The following PTPRM variants were observed in gnomAD, a reference collection of about 807,000 sequenced individuals.
The protein encoded by PTPRM is receptor-type tyrosine-protein phosphatase mu.
PTPRM carries 47 observed loss-of-function variants against 186.7 expected under a neutral mutation model. That is an observed-to-expected ratio of 0.25 (90% confidence interval 0.20 to 0.32). The LOEUF is 0.32. Among genes scored for constraint, PTPRM ranks in the 10% least tolerant of loss-of-function variants. PTPRM has a pLI of 1.00. For synonymous variants in PTPRM, 668 were observed against 674.9 expected, an observed-to-expected ratio of 0.99 and a Z score of 0.16; for missense variants, 1,494 against 1,865.0, an observed-to-expected ratio of 0.80 and a Z score of 3.66.
At chr18:8,277,067 G>T (rs1435442764) in intron 19 of PTPRM, among the ~76,000 whole-genome samples, 1 of 151,994 alleles carries the variant, frequency 6.6e-6, no homozygotes, top group African/African-American at 2.4e-5. Context: ...CCCCTGAGTA[G>T]CTGGGACTAC....
chr18:8,017,281 G>C (rs2084930143), intron 7 of PTPRM, among the ~76,000 whole-genome samples: 1 of 152,094 alleles, frequency 6.6e-6, no homozygotes, highest in African/African-American at 2.4e-5. Flanking sequence ...GCTCATGCCT[G>C]TAGTCCCAGC....
At chr18:8,264,069 C>G (rs977033293) in intron 19 of PTPRM, among the ~76,000 whole-genome samples, 1 of 152,102 alleles carries the variant, frequency 6.6e-6, no homozygotes, top group African/African-American at 2.4e-5. Context: ...GATCTGACTC[C>G]AGGTAGAAAG....
intron 1 of PTPRM, among the ~76,000 whole-genome samples, chr18:7,639,717 C>T (rs1362446791): frequency 6.6e-6 from 1 of 152,166 alleles, no homozygotes; most frequent in Non-Finnish European, 1.5e-5. Context: ...ATTCATATTC[C>T]ACATGCTGTT....
Position 8,113,606 on chromosome 18 carries a change from C to T in PTPRM, c.1977C>T (p.Tyr659=), listed in dbSNP as rs1342605500. 1 of 1,614,152 alleles carries T rather than the reference C, an allele frequency of 6.2e-7. No individual in the cohort carries two copies. Among genetic ancestry groups the T allele is most frequent in the South Asian group, 1.1e-5 (1 of 91,084 alleles). The part of the protein sequence containing the change: ...FQNASLLNSQ[Y]YFAAEFPADS... ...ATGCTTCTCTGCTGAACTCACAGTA[C>T]TACTTTGCTGCAGAATTTCCTGCAG... is the stretch of plus-strand genomic sequence containing the variant. Residue 659 remains tyrosine, a synonymous_variant, in exon 12 of 33, where the codon TAC becomes TAT. Transcript: ENST00000580170.
chr18:8,120,924 T>C (rs985552489), intron 13 of PTPRM, among the ~76,000 whole-genome samples: 10 of 152,354 alleles, frequency 6.6e-5, no homozygotes, highest in African/African-American at 2.4e-4. Context: ...AACAAAAATG[T>C]TATGTGTATA....
intron 1 of PTPRM, among the ~76,000 whole-genome samples, chr18:7,684,304 T>C (rs920600407): frequency 1.4e-5 from 2 of 146,924 alleles, no homozygotes; most frequent in Admixed American, 6.7e-5. Flanking sequence ...TAAAAAAAAA[T>C]AAATAAATAA....
rs1303174819 is a variant in PTPRM, at chr18:8,130,834, A to G, written c.2168-12813A>G. Among the ~76,000 whole-genome samples, 7 of 152,214 alleles carry G rather than the reference A, an allele frequency of 4.6e-5. No homozygotes were observed. The East Asian group carries it at 1.3e-3, about 29-fold the overall frequency. On this transcript the variant is annotated intron_variant, in intron 13 of 32. Coordinates refer to ENST00000580170, the MANE Select transcript of PTPRM (RefSeq NM_001105244.2). ...CACAGCAAGTAGTGGGTTCAAGTCC[A>G]GGCTTCTTGGGGAAATCTCTTGATC...
chr18:7,770,393 C>A (rs1286879575), intron 1 of PTPRM, among the ~76,000 whole-genome samples: 1 of 152,108 alleles, frequency 6.6e-6, no homozygotes, highest in Non-Finnish European at 1.5e-5. Flanking sequence ...TGCAAGTTTT[C>A]AATTATATAT....
At chr18:8,300,600 C>A (rs1722077073) in intron 20 of PTPRM, among the ~76,000 whole-genome samples, 1 of 152,018 alleles carries the variant, frequency 6.6e-6, no homozygotes, top group South Asian at 2.1e-4. Flanking sequence ...GTGAGCACGT[C>A]TATGTGCAGT....
chr18:8,381,936 T>C (rs993843528), intron 29 of PTPRM, among the ~76,000 whole-genome samples: 1 of 152,210 alleles, frequency 6.6e-6, no homozygotes, highest in African/African-American at 2.4e-5. Flanking sequence ...GCATTCTTTT[T>C]GAAAAACTGC....
At chr18:7,862,691 G>C (rs1290928677) in intron 2 of PTPRM, among the ~76,000 whole-genome samples, 1 of 152,198 alleles carries the variant, frequency 6.6e-6, no homozygotes, top group Admixed American at 6.5e-5. Flanking sequence ...TGTGAATGGT[G>C]CTCCTATGAT....
intron 13 of PTPRM, among the ~76,000 whole-genome samples, chr18:8,141,950 A>G (rs965593662): frequency 6.6e-6 from 1 of 152,198 alleles, no homozygotes; most frequent in African/African-American, 2.4e-5. Flanking sequence ...GTTTATCCAC[A>G]TACACATTTT....
intron 1 of PTPRM, among the ~76,000 whole-genome samples, chr18:7,727,023 T>A (rs1358929208): frequency 6.6e-6 from 1 of 152,128 alleles, no homozygotes; most frequent in African/African-American, 2.4e-5. Flanking sequence ...TTCAATAGTT[T>A]TGTTGTTCTT....
chr18:8,344,391 T>A (rs1244288717), intron 23 of PTPRM, among the ~76,000 whole-genome samples: 2 of 149,984 alleles, frequency 1.3e-5, no homozygotes, highest in African/African-American at 2.5e-5. Flanking sequence ...AGGATATATA[T>A]ATATATACAT....
intron 7 of PTPRM, among the ~76,000 whole-genome samples, chr18:8,000,183 T>C (rs1288100381): frequency 2.6e-5 from 4 of 152,146 alleles, no homozygotes; most frequent in Non-Finnish European, 5.9e-5. Flanking sequence ...ACCAGAAACA[T>C]TCTTCACCAG....
chr18:7,580,653 C>A (rs1411214237), intron 1 of PTPRM, among the ~76,000 whole-genome samples: 6 of 152,146 alleles, frequency 3.9e-5, no homozygotes, highest in Non-Finnish European at 8.8e-5. Context: ...TATTCTCAAA[C>A]TTATTGCCCC....
chr18:7,696,520 G>A (rs576800391), intron 1 of PTPRM, among the ~76,000 whole-genome samples: 14 of 152,174 alleles, frequency 9.2e-5, no homozygotes, highest in African/African-American at 3.4e-4. Flanking sequence ...TTCATTAGCT[G>A]TAGAGGTGCA....
chr18:7,994,400 T>A (rs77368360), intron 7 of PTPRM, among the ~76,000 whole-genome samples: 26,817 of 152,008 alleles, frequency 0.18, 2,483 homozygotes, highest in Middle Eastern at 0.35. Flanking sequence ...CCAAACTTGC[T>A]TGCAGCATTA....
chr18:8,054,417 T>C lies in PTPRM; in HGVS notation c.1133-15269T>C, dbSNP rs556626535. 1.3e-3 allele frequency among the ~76,000 whole-genome samples: 202 copies of C among 150,744 alleles called. 2 individuals carry two copies. Among genetic ancestry groups the C allele is most frequent in the Admixed American group, 8.6e-4 (13 of 15,170 alleles). On this transcript the variant is annotated intron_variant, in intron 7 of 32. Transcript: ENST00000580170. ...CATTTCCCCTCACCCCTTGCCTTTTTTCTTTTCTTTTGTTTTTTTCCCATA... is the reference window on the plus strand; with the variant it reads ...CATTTCCCCTCACCCCTTGCCTTTTCTCTTTTCTTTTGTTTTTTTCCCATA...
Sources: gnomAD v4.1 joint callset for allele counts (sites outside exome capture counted in the v4.1 genomes callset) on GRCh38, gnomAD v4.1.1 for gene constraint, MANE v1.5 for transcripts, NCBI Gene and HGNC (gene_info 2026-07-23, HGNC 2026-07-21) for gene names.